PHF10: variants seen among roughly 807,000 people sequenced by gnomAD.
The protein encoded by PHF10 is BRG1-associated factor 45a.
A neutral mutation model predicts 68.5 loss-of-function variants in PHF10; 51 were observed. That is an observed-to-expected ratio of 0.74 (90% CI 0.59 to 0.94). The LOEUF is 0.94. PHF10 is among the 40% of genes least tolerant of loss of function. The pLI, the probability that PHF10 is intolerant of heterozygous loss-of-function variation, is 0.00. For missense variants in PHF10, 460 were observed against 602.6 expected (o/e 0.76, Z 2.48); for synonymous variants, 204 against 203.5 (o/e 1.00, Z -0.02).
In PHF10 at chr6:169,705,231, A is replaced by G; in HGVS notation, c.1313T>C (p.Ile438Thr). The change falls in exon 11 of 12, where the codon ATA becomes ACA. Residue 438 changes from isoleucine (I) to threonine (T), a missense_variant. Physicochemically the swap from Ile to Thr is moderately conservative, Grantham distance 89. Transcript: ENST00000339209. ...TTCTTCATGGTGGGGTTGTCCACATATAATGCATGTTTTACATTCCATACA... is the reference window on the plus strand; with the variant it reads ...TTCTTCATGGTGGGGTTGTCCACATGTAATGCATGTTTTACATTCCATACA... ...WQCMECKTCI[I>T]CGQPHHEEEM... 1.9e-6 allele frequency: 3 copies of G among 1,613,376 alleles called. No individual in the cohort carries two copies. Among genetic ancestry groups the G allele is most frequent in the Non-Finnish European group, 2.5e-6 (3 of 1,179,320 alleles).
intron 9 of PHF10, chr6:169,708,274 T>G (rs1788852039): frequency 6.6e-6 from 1 of 152,220 alleles, no homozygotes; most frequent in Non-Finnish European, 1.5e-5. Context: ...ATTGTATTTA[T>G]AGGCCGGAAT....
At chr6:169,716,160 A>C in intron 4 of PHF10, 72 bp from the exon 5 acceptor site, 2 of 1,051,698 alleles carry the variant, frequency 1.9e-6, no homozygotes, top group Non-Finnish European at 2.7e-6. Flanking sequence ...ACTCTTCAAA[A>C]TTTAATTCTT....
Position 169,703,955 on chromosome 6 carries a change from C to G in PHF10, c.*48G>C, listed in dbSNP as rs771281425. ...ATGAAAATAATGTTGTAAATGGCACCAAATATTCCACTTAAATGCATATAC... is the reference window on the plus strand; with the variant it reads ...ATGAAAATAATGTTGTAAATGGCACGAAATATTCCACTTAAATGCATATAC... On this transcript the variant is annotated 3_prime_UTR_variant, in exon 12 of 12. Transcript: ENST00000339209. The G allele has an allele frequency of 2.2e-6, 3 of 1,381,806 alleles. No individual in the cohort carries two copies. The highest frequency in any genetic ancestry group is 2.5e-5 in the Admixed American group (1 of 39,776). The allele number at this position is 1,381,806 out of a possible 1,614,324, so 85.6% of individuals were successfully genotyped here.
At chr6:169,709,271 T>A (rs576956260) in intron 9 of PHF10, 10 of 152,192 alleles carry the variant, frequency 6.6e-5, no homozygotes, top group African/African-American at 2.4e-4. Context: ...AGTTCTGACA[T>A]ACAAGGTGTT....
Position 169,705,261 on chromosome 6 carries a change from C to T in PHF10, c.1283G>A (p.Trp428Ter). Reference sequence around the variant, plus strand: ...GCATGTTTTACATTCCATACACTGCCATGGGTAGGTCTTAATCATAGAAAC... The same window carrying T: ...GCATGTTTTACATTCCATACACTGCTATGGGTAGGTCTTAATCATAGAAAC... ...ELVSMIKTYP[W>*]QCMECKTCII... The change falls in exon 11 of 12, where the codon TGG (tryptophan) becomes TAG (stop). Residue 428 changes from tryptophan to a stop codon, truncating the protein, a stop_gained. Transcript: ENST00000339209. LOFTEE classifies it high-confidence loss of function. 6.2e-7 allele frequency: 1 copy of T among 1,613,450 alleles called. No individual in the cohort carries two copies. Among genetic ancestry groups the T allele is most frequent in the Non-Finnish European group, 8.5e-7 (1 of 1,179,444 alleles).
In PHF10 at chr6:169,703,928, G is replaced by C; in HGVS notation, c.*75C>G. On this transcript the variant is annotated 3_prime_UTR_variant, in exon 12 of 12. Coordinates refer to ENST00000339209, the MANE Select transcript of PHF10 (RefSeq NM_018288.4). ...AATTTGCAAAAAAAATCTTTTATTG[G>C]CATGAAAATAATGTTGTAAATGGCA... The C allele has an allele frequency of 8.4e-7, 1 of 1,193,576 alleles. No individual in the cohort carries two copies. Among genetic ancestry groups the C allele is most frequent in the Non-Finnish European group, 1.2e-6 (1 of 853,414 alleles). 73.9% of individuals were successfully genotyped at this position (1,193,576 alleles called of 1,614,324 possible).
At position 169,710,217 on chromosome 6, in the gene PHF10, A is replaced by G; in HGVS notation, c.1113+19T>C. 1.3e-6 allele frequency: 2 copies of G among 1,564,078 alleles called. No individual in the cohort carries two copies. The highest frequency in any genetic ancestry group is 1.7e-6 in the Non-Finnish European group (2 of 1,158,264). ...GGCTGGTCAGTAAAGAAGCTGAGTC[A>G]GGGGCTTTTTTCTTCTACCTTGTAC... On this transcript the variant is annotated intron_variant, in intron 9 of 11. Transcript: ENST00000339209.
chr6:169,720,217 G>A (rs1292579976), intron 2 of PHF10, among the ~76,000 whole-genome samples: 1 of 152,196 alleles, frequency 6.6e-6, no homozygotes, highest in Non-Finnish European at 1.5e-5. Flanking sequence ...TGGTAGGAAT[G>A]TAAATTGGTG....
At chr6:169,722,370 T>C (rs1789200428) in intron 1 of PHF10, among the ~76,000 whole-genome samples, 1 of 152,218 alleles carries the variant, frequency 6.6e-6, no homozygotes, top group African/African-American at 2.4e-5. Context: ...ATTCAATACT[T>C]TCAACATAAC....
rs201551296 is a variant in PHF10 at position 169,714,817 on chromosome 6, T to A, written c.719A>T (p.Tyr240Phe). ...THVIQVPQGKYKVLPTERTKV... is the reference protein window; with the variant it reads ...THVIQVPQGKFKVLPTERTKV... Reference sequence around the variant, plus strand: ...TGTTCGCTCTGTTGGCAAAACTTTGTACTTCCCTTGAGGTACCTGGATAAC... The same window carrying A: ...TGTTCGCTCTGTTGGCAAAACTTTGAACTTCCCTTGAGGTACCTGGATAAC... Residue 240 changes from tyrosine to phenylalanine, a missense_variant, in exon 7 of 12, where the codon TAC (tyrosine) becomes TTC (phenylalanine). This residue lies in a region of PHF10 where 256 missense variants were observed against 410.5 expected (regional missense o/e 0.62). Transcript: ENST00000339209. 2 of 1,593,638 alleles carry A rather than the reference T, an allele frequency of 1.3e-6. No homozygotes were observed. Among genetic ancestry groups the A allele is most frequent in the Non-Finnish European group, 1.7e-6 (2 of 1,161,422 alleles).
At chr6:169,717,672 C>T (rs1789082384) in intron 4 of PHF10, 151 bp downstream of exon 4, 2 of 547,846 alleles carry the variant, frequency 3.7e-6, no homozygotes, top group Admixed American at 7.1e-5. Context: ...TGTATTTTAA[C>T]AATAATCAAA....
chr6:169,723,624 A>T (rs1466818450), intron 1 of PHF10, among the ~76,000 whole-genome samples: 4 of 152,122 alleles, frequency 2.6e-5, no homozygotes, highest in Non-Finnish European at 5.9e-5. Flanking sequence ...ACTTCGGGGA[A>T]GCCGCGCCGC....
chr6:169,717,228 AAC>A (rs1448144932), intron 4 of PHF10, among the ~76,000 whole-genome samples: 1 of 152,166 alleles, frequency 6.6e-6, no homozygotes, highest in African/African-American at 2.4e-5. Flanking sequence ...CAGCCTGGAC[AAC>A]AGAGAGAGAC....
At chr6:169,709,915 T>G (rs1052196655) in intron 9 of PHF10, 1 of 168,824 alleles carries the variant, frequency 5.9e-6, no homozygotes, top group Admixed American at 6.3e-5. Context: ...TGATCTTTAC[T>G]CCAAGGAAAG....
At chr6:169,714,603 G>GC in intron 7 of PHF10, 130 bp downstream of exon 7, 3 of 661,486 alleles carry the variant, frequency 4.5e-6, no homozygotes, top group South Asian at 3.6e-5. Flanking sequence ...GAGAAGAATA[G>GC]CAACACAAAT....
At chr6:169,711,095 G>C (rs1788917796) in intron 8 of PHF10, among the ~76,000 whole-genome samples, 1 of 151,920 alleles carries the variant, frequency 6.6e-6, no homozygotes, top group South Asian at 2.1e-4. Context: ...ACACTGACTA[G>C]AAACATGAAT....
intron 9 of PHF10, 75 bp downstream of exon 9, chr6:169,710,161 G>A (rs528686786): frequency 5.7e-5 from 65 of 1,142,530 alleles, no homozygotes; most frequent in African/African-American, 2.4e-4. Flanking sequence ...CTCCACAATC[G>A]TGAAAGTCAA....
intron 7 of PHF10, 61 bp downstream of exon 7, chr6:169,714,672 A>G: frequency 5.9e-6 from 5 of 844,562 alleles, no homozygotes; most frequent in Non-Finnish European, 1.0e-5. Flanking sequence ...AGGCAAGTAC[A>G]AAAGGCTCTG....
At chr6:169,722,186 T>TA (rs1262132608) in intron 1 of PHF10, among the ~76,000 whole-genome samples, 5 of 152,366 alleles carry the variant, frequency 3.3e-5, no homozygotes, top group African/African-American at 9.6e-5. Context: ...ATGATGATAA[T>TA]AAAGTCTCAA....
Sources: allele counts gnomAD v4.1 joint callset (sites outside exome capture counted in the v4.1 genomes callset), GRCh38; gene constraint gnomAD v4.1.1; regional missense constraint gnomAD v4.1.1; transcripts MANE v1.5; gene names NCBI Gene and HGNC (gene_info 2026-07-23, HGNC 2026-07-21).